Variants in LRRC17 observed in about 807,000 individuals in gnomAD.
The protein encoded by LRRC17 is leucine-rich repeat-containing protein 17.
A neutral mutation model predicts 41.5 loss-of-function variants in LRRC17; 33 were observed. That is an observed-to-expected ratio of 0.80 (90% confidence interval 0.60 to 1.06). LRRC17 has a LOEUF of 1.06. Among genes scored for constraint, LRRC17 ranks in the 50% least tolerant of loss-of-function variants. The pLI is 0.00. For missense variants in LRRC17, 491 were observed against 519.3 expected (o/e 0.95, Z 0.53); for synonymous variants, 192 against 197.0 (o/e 0.97, Z 0.21).
intron 1 of LRRC17, among the ~76,000 whole-genome samples, chr7:102,914,223 C>A (rs940920222): frequency 6.6e-6 from 1 of 152,204 alleles, no homozygotes; most frequent in African/African-American, 2.4e-5. Context: ...CAGGCGCGTG[C>A]CAACATGTCC....
intron 1 of LRRC17, among the ~76,000 whole-genome samples, chr7:102,930,372 A>T (rs1818939219): frequency 6.6e-6 from 1 of 152,004 alleles, no homozygotes; most frequent in Non-Finnish European, 1.5e-5. Context: ...CATCCTCTAT[A>T]AACCTGTTTC....
intron 1 of LRRC17, among the ~76,000 whole-genome samples, chr7:102,918,779 A>C (rs4457269): frequency 0.052 from 7,978 of 152,268 alleles, 280 homozygotes; most frequent in South Asian, 0.13. Context: ...AAAACAAAAC[A>C]AAAAAATGGC....
intron 3 of LRRC17, chr7:102,942,278 CCT>C: frequency 1.9e-6 from 3 of 1,591,920 alleles, no homozygotes; most frequent in Non-Finnish European, 2.6e-6. Context: ...TGAAAGGTCT[CCT>C]ATATTTCAGG....
chr7:102,932,938 A>G (rs1819504636), intron 1 of LRRC17: 1 of 152,274 alleles, frequency 6.6e-6, no homozygotes, highest in Non-Finnish European at 1.5e-5. Context: ...ACAAATACTT[A>G]TCAAGGAGAT....
chr7:102,926,133 A>G (rs1444844267), intron 1 of LRRC17: 2 of 663,196 alleles, frequency 3.0e-6, no homozygotes, highest in Non-Finnish European at 5.1e-6. Context: ...ACTTGAAAGC[A>G]GCAGACCCCT....
intron 1 of LRRC17, among the ~76,000 whole-genome samples, chr7:102,921,616 G>T (rs1444882113): frequency 6.6e-6 from 1 of 151,994 alleles, no homozygotes; most frequent in African/African-American, 2.4e-5. Context: ...GGAGGCGGAG[G>T]CTATGGTGAG....
rs1366006623 is a variant in LRRC17, at chr7:102,944,415, CA to C, written c.1138del (p.Thr380ArgfsTer56). On this transcript the variant is annotated frameshift_variant, in exon 4 of 4. Transcript: ENST00000339431. LOFTEE classifies it high-confidence loss of function. ...YNVHFNGLEC[K>X]TPEEYKGWSV... The stretch of plus-strand genomic sequence containing the variant: ...ATGTCCATTTTAATGGCCTGGAATG[CA>C]AAACGCCTGAAGAATACAAAGGATG... 6.2e-7 allele frequency: 1 copy of C among 1,613,842 alleles called. No individual in the cohort carries two copies. The highest frequency in any genetic ancestry group is 1.1e-5 in the South Asian group (1 of 91,028).
chr7:102,924,724 CTCCGCCTCCTGGGT>C (rs1817740806), intron 1 of LRRC17, among the ~76,000 whole-genome samples: 2 of 148,198 alleles, frequency 1.3e-5, no homozygotes, highest in Admixed American at 1.4e-4. Flanking sequence ...TCACTGCAAG[CTCCGCCTCCTGGGT>C]TCATGCCATT....
chr7:102,926,122 G>C, intron 1 of LRRC17: 1 of 627,508 alleles, frequency 1.6e-6, no homozygotes. Context: ...CCAGCTTAGG[G>C]ACTTGAAAGC....
chr7:102,942,415 ATTG>A, intron 3 of LRRC17: 1 of 1,326,496 alleles, frequency 7.5e-7, no homozygotes, highest in Non-Finnish European at 1.0e-6. Flanking sequence ...AATGCCAGAC[ATTG>A]TTGTGGAAAA....
intron 1 of LRRC17, among the ~76,000 whole-genome samples, chr7:102,919,090 T>A (rs142115969): frequency 3.2e-4 from 48 of 152,328 alleles, no homozygotes; most frequent in African/African-American, 1.1e-3. Flanking sequence ...GAGTTGATTG[T>A]TAGCATCTCT....
rs78314507 is a variant in LRRC17, at chr7:102,918,019, G to A, written c.-141+4874G>A. Among the ~76,000 whole-genome samples the A allele has an allele frequency of 9.6e-3, 1,466 of 152,248 alleles. 86 individuals are homozygous for A. The East Asian group carries it at 0.16, about 17-fold the overall frequency. ...AAAGCTGGCAAATCATTGTTGCCAA[G>A]GACAAACAAATTACATTTTTCTCTT... On this transcript the variant is annotated intron_variant, in intron 1 of 3. Coordinates refer to ENST00000339431, the MANE Select transcript of LRRC17 (RefSeq NM_001031692.3).
chr7:102,933,857 A>G lies in LRRC17; in HGVS notation c.-57A>G. ...ATTACCCAGACTTGGATTTCAAAGG[A>G]ATACTTTCATTGTTCCGTCTGTAAC... On this transcript the variant is annotated 5_prime_UTR_variant, in exon 2 of 4. Coordinates refer to ENST00000339431, the MANE Select transcript of LRRC17 (RefSeq NM_001031692.3). 3 of 1,481,690 alleles carry G rather than the reference A, an allele frequency of 2.0e-6. No individual in the cohort carries two copies. The highest frequency in any genetic ancestry group is 2.7e-6 in the Non-Finnish European group (3 of 1,109,120). The allele number at this position is 1,481,690 out of a possible 1,614,324, so 91.8% of individuals were successfully genotyped here.
At chr7:102,922,145 G>A (rs774647827) in intron 1 of LRRC17, among the ~76,000 whole-genome samples, 1 of 150,660 alleles carries the variant, frequency 6.6e-6, no homozygotes, top group Non-Finnish European at 1.5e-5. Context: ...AGCTGAGGTC[G>A]TGCCACTGCA....
chr7:102,933,321 C>T lies in LRRC17; in HGVS notation c.-140-453C>T, dbSNP rs563629740. 2.0e-5 allele frequency: 3 copies of T among 152,178 alleles called. No individual in the cohort carries two copies. The East Asian group carries it at 5.8e-4, about 29-fold the overall frequency. The allele number at this position is 152,178 out of a possible 1,614,324, so 9.4% of individuals were successfully genotyped here. A position where few individuals can be genotyped will look rare whatever the true frequency, so the allele number is the denominator to read the frequency against. On this transcript the variant is annotated intron_variant, in intron 1 of 3. Transcript: ENST00000339431. ...AGGAAGACAACAATTCAAGTCCTAC[C>T]CTTGTGTGTGCATCTCAAGGCTGTG...
intron 1 of LRRC17, among the ~76,000 whole-genome samples, chr7:102,920,896 G>C (rs746312354): frequency 2.0e-5 from 3 of 152,188 alleles, no homozygotes; most frequent in Non-Finnish European, 4.4e-5. Context: ...GCTCATACCT[G>C]TAATCCCAGC....
intron 3 of LRRC17, among the ~76,000 whole-genome samples, chr7:102,939,918 G>C (rs1055118173): frequency 1.3e-5 from 2 of 151,900 alleles, no homozygotes; most frequent in Non-Finnish European, 2.9e-5. Flanking sequence ...TTTTGAGATG[G>C]AGTCTCACTC....
chr7:102,915,122 A>ATT (rs386410852), intron 1 of LRRC17, among the ~76,000 whole-genome samples: 17,141 of 128,010 alleles, frequency 0.13, 1,233 homozygotes, highest in East Asian at 0.24. Context: ...AGATTAAAAT[A>ATT]TTTTTTTTTT....
At chr7:102,921,313 CAACT>C (rs1451540566) in intron 1 of LRRC17, among the ~76,000 whole-genome samples, 2 of 152,124 alleles carry the variant, frequency 1.3e-5, no homozygotes, top group Non-Finnish European at 2.9e-5. Flanking sequence ...TCATAATAGG[CAACT>C]AATATATCAC....
Sources: allele counts gnomAD v4.1 joint callset (sites outside exome capture counted in the v4.1 genomes callset), GRCh38; gene constraint gnomAD v4.1.1; transcripts MANE v1.5; gene names NCBI Gene and HGNC (gene_info 2026-07-23, HGNC 2026-07-21).